GRIK4: variants seen among roughly 807,000 people sequenced by gnomAD.
The protein encoded by GRIK4 is glutamate receptor ionotropic, kainate 4.
In GRIK4, 40 loss-of-function variants were observed where a neutral mutation model predicts 104.9. The observed-to-expected ratio is 0.38, with a 90% confidence interval of 0.30 to 0.50. The LOEUF (loss-of-function observed/expected upper bound fraction) is 0.50, where lower values mean the gene tolerates loss of function less well. GRIK4 is among the 20% of genes least tolerant of loss of function. The pLI is 0.93. For missense variants in GRIK4, 1,047 were observed against 1,308.1 expected, an observed-to-expected ratio of 0.80 and a Z score of 3.08; for synonymous variants, 485 against 524.9, an observed-to-expected ratio of 0.92 and a Z score of 1.04.
At chr11:120,651,134 G>C (rs943312781) in intron 1 of GRIK4, among the ~76,000 whole-genome samples, 1 of 152,178 alleles carries the variant, frequency 6.6e-6, no homozygotes, top group African/African-American at 2.4e-5. Context: ...AGGCATGGGA[G>C]GCCATCCTAT....
rs1953290488 is a variant in GRIK4, at chr11:120,827,217, C to T, written c.512-4635C>T. Among the ~76,000 whole-genome samples the T allele has an allele frequency of 2.6e-5, 4 of 152,174 alleles. No homozygotes were observed. The South Asian group carries it at 8.3e-4, about 32-fold the overall frequency. ...TCCCCTGCAGACTCATCGCTTAGGT[C>T]TTGGTGTCCTTGTCCTGCGGCTGTG... On this transcript the variant is annotated intron_variant, in intron 6 of 20. Coordinates refer to ENST00000527524, the MANE Select transcript of GRIK4 (RefSeq NM_014619.5).
At chr11:120,968,533 GA>G (rs1944422162) in intron 19 of GRIK4, among the ~76,000 whole-genome samples, 2 of 152,208 alleles carry the variant, frequency 1.3e-5, no homozygotes, top group African/African-American at 4.8e-5. Flanking sequence ...ATAACTATGT[GA>G]TTCTCAGTGT....
intron 12 of GRIK4, among the ~76,000 whole-genome samples, chr11:120,901,726 G>T (rs1311938070): frequency 6.6e-6 from 1 of 152,186 alleles, no homozygotes; most frequent in Non-Finnish European, 1.5e-5. Context: ...GGGCTGTACT[G>T]CCAGCCTCTC....
intron 1 of GRIK4, among the ~76,000 whole-genome samples, chr11:120,629,704 C>T (rs956573648): frequency 7.2e-5 from 11 of 152,344 alleles, no homozygotes; most frequent in African/African-American, 2.6e-4. Context: ...CAGAAAGTTT[C>T]CCTGCCAGGC....
chr11:120,554,835 A>G (rs555696459), intron 1 of GRIK4, among the ~76,000 whole-genome samples: 2 of 152,350 alleles, frequency 1.3e-5, no homozygotes, highest in East Asian at 3.9e-4. Context: ...CTGGGATTAC[A>G]GGCGTGAGCC....
intron 1 of GRIK4, among the ~76,000 whole-genome samples, chr11:120,630,951 G>A (rs1017681775): frequency 5.9e-5 from 9 of 152,304 alleles, no homozygotes; most frequent in Non-Finnish European, 7.3e-5. Context: ...CCAGCCGAGC[G>A]GTTAAGAATG....
At chr11:120,802,379 A>T (rs1952636104) in intron 3 of GRIK4, among the ~76,000 whole-genome samples, 1 of 152,158 alleles carries the variant, frequency 6.6e-6, no homozygotes, top group East Asian at 1.9e-4. Context: ...GTGCATGGAG[A>T]CAGGTATCCA....
At chr11:120,681,051 G>A (rs1474223864) in intron 3 of GRIK4, among the ~76,000 whole-genome samples, 1 of 152,202 alleles carries the variant, frequency 6.6e-6, no homozygotes, top group Admixed American at 6.5e-5. Flanking sequence ...CACAAACAGA[G>A]TGGGCTGGCC....
At chr11:120,791,379 G>A (rs1178964556) in intron 3 of GRIK4, among the ~76,000 whole-genome samples, 4 of 152,130 alleles carry the variant, frequency 2.6e-5, no homozygotes, top group Non-Finnish European at 5.9e-5. Flanking sequence ...ATATTTTCAC[G>A]TGCTTACTTG....
chr11:120,694,525 A>AC (rs1174698202), intron 3 of GRIK4, among the ~76,000 whole-genome samples: 1 of 150,614 alleles, frequency 6.6e-6, no homozygotes, highest in East Asian at 2.0e-4. Flanking sequence ...TTCCCCACCC[A>AC]CCCCCCAACC....
intron 13 of GRIK4, among the ~76,000 whole-genome samples, chr11:120,913,735 A>AT (rs1226100453): frequency 6.6e-6 from 1 of 150,814 alleles, no homozygotes; most frequent in Non-Finnish European, 1.5e-5. Context: ...GCCTCATTCC[A>AT]TTTTTTCTCC....
At chr11:120,613,051 A>T (rs1343516054) in intron 1 of GRIK4, among the ~76,000 whole-genome samples, 1 of 152,148 alleles carries the variant, frequency 6.6e-6, no homozygotes, top group East Asian at 1.9e-4. Flanking sequence ...GAGCCATTTG[A>T]GGCTGGAGGG....
chr11:120,950,182 A>T (rs567504406), intron 14 of GRIK4, among the ~76,000 whole-genome samples: 1 of 152,284 alleles, frequency 6.6e-6, no homozygotes, highest in African/African-American at 2.4e-5. Flanking sequence ...CCAAATCTCA[A>T]ATGACTGCCC....
rs565553157 is a variant in GRIK4 at position 120,696,482 on chromosome 11, G to C, written c.82+36082G>C. Among the ~76,000 whole-genome samples, 4 of 139,364 alleles carry C rather than the reference G, an allele frequency of 2.9e-5. No individual in the cohort carries two copies. In the East Asian group the frequency reaches 9.9e-4, roughly 35 times the overall value. The allele number at this position is 139,364 out of a possible 152,430, so 91.4% of individuals were successfully genotyped here. On this transcript the variant is annotated intron_variant, in intron 3 of 20. Transcript: ENST00000527524. ...AATGGTTCTAGATAGAGGTGTCAGT[G>C]GGGGGGCATGTGGTAGAGGGGGCTG...
At chr11:120,829,032 T>C (rs1046351958) in intron 6 of GRIK4, among the ~76,000 whole-genome samples, 1 of 152,170 alleles carries the variant, frequency 6.6e-6, no homozygotes, top group Non-Finnish European at 1.5e-5. Context: ...TCCCACTGAA[T>C]TTCATTGCCT....
At chr11:120,718,520 G>A (rs1017931691) in intron 3 of GRIK4, among the ~76,000 whole-genome samples, 1 of 152,204 alleles carries the variant, frequency 6.6e-6, no homozygotes, top group Non-Finnish European at 1.5e-5. Context: ...CCTCTCTAGC[G>A]TTCTAAGCCA....
At chr11:120,622,149 C>T (rs1046473397) in intron 1 of GRIK4, among the ~76,000 whole-genome samples, 1 of 152,198 alleles carries the variant, frequency 6.6e-6, no homozygotes, top group African/African-American at 2.4e-5. Context: ...GATCCACCCA[C>T]CTCGGCCTCC....
intron 3 of GRIK4, among the ~76,000 whole-genome samples, chr11:120,786,500 A>T (rs1029543313): frequency 6.6e-6 from 1 of 152,156 alleles, no homozygotes; most frequent in South Asian, 2.1e-4. Context: ...GCCAGGTCCC[A>T]ATAGCACCTT....
chr11:120,798,685 T>C (rs1952568112), intron 3 of GRIK4, among the ~76,000 whole-genome samples: 1 of 152,148 alleles, frequency 6.6e-6, no homozygotes, highest in Non-Finnish European at 1.5e-5. Flanking sequence ...TTTCACCATG[T>C]TGGCCAGGCT....
Sources: gnomAD v4.1 joint callset for allele counts (sites outside exome capture counted in the v4.1 genomes callset) on GRCh38, gnomAD v4.1.1 for gene constraint, MANE v1.5 for transcripts, NCBI Gene and HGNC (gene_info 2026-07-23, HGNC 2026-07-21) for gene names.